The following SLC38A11 variants were observed in gnomAD, a reference collection of about 807,000 sequenced individuals.
SLC38A11 encodes the protein putative sodium-coupled neutral amino acid transporter 11.
SLC38A11 carries 51 observed loss-of-function variants against 49.4 expected under a neutral mutation model. The observed-to-expected ratio is 1.03, with a 90% confidence interval of 0.83 to 1.30. The LOEUF (loss-of-function observed/expected upper bound fraction) is 1.30. SLC38A11 is among the 50% of genes most tolerant of loss of function. SLC38A11 has a pLI of 0.00. For synonymous variants in SLC38A11, 203 were observed against 192.9 expected, an observed-to-expected ratio of 1.05 and a Z score of -0.43; for missense variants, 574 against 556.2, an observed-to-expected ratio of 1.03 and a Z score of -0.32.
chr2:164,955,253 A>G lies in SLC38A11; in HGVS notation c.-6T>C. ...TCCTGCCTCTGGTAGCCCATGGCTG[A>G]GCGGTGGTCCTCAGCAGGTGGAAGA... On this transcript the variant is annotated 5_prime_UTR_variant, in exon 1 of 12. Transcript: ENST00000685975. 6.4e-7 allele frequency: 1 copy of G among 1,550,428 alleles called. No individual in the cohort carries two copies. Among genetic ancestry groups the G allele is most frequent in the Admixed American group, 2.0e-5 (1 of 50,994 alleles).
chr2:164,954,818 G>A, intron 1 of SLC38A11, 73 bp from the exon 2 acceptor site: 1 of 663,636 alleles, frequency 1.5e-6, no homozygotes, highest in East Asian at 2.9e-5. Context: ...ATGTAATGCA[G>A]GATACTAACA....
chr2:164,911,591 C>CA (rs1483459662), intron 10 of SLC38A11, 45 bp downstream of exon 10: 1 of 922,666 alleles, frequency 1.1e-6, no homozygotes, highest in South Asian at 2.0e-5. Flanking sequence ...TTAAATGTGG[C>CA]AGAGAGATCA....
intron 5 of SLC38A11, among the ~76,000 whole-genome samples, chr2:164,940,951 C>A (rs1199392343): frequency 6.6e-6 from 1 of 151,800 alleles, no homozygotes; most frequent in Non-Finnish European, 1.5e-5. Context: ...ATAATTTGAA[C>A]CAAATTATTT....
At chr2:164,931,587 G>A (rs2105487475) in intron 7 of SLC38A11, among the ~76,000 whole-genome samples, 1 of 152,136 alleles carries the variant, frequency 6.6e-6, no homozygotes, top group African/African-American at 2.4e-5. Context: ...ATAGATCAAT[G>A]GAACAGAATA....
intron 3 of SLC38A11, 43 bp downstream of exon 3, chr2:164,952,664 C>T: frequency 8.0e-7 from 1 of 1,248,360 alleles, no homozygotes; most frequent in Non-Finnish European, 1.2e-6. Context: ...GTAGTTATTG[C>T]ACAGTTGAAG....
intron 11 of SLC38A11, among the ~76,000 whole-genome samples, chr2:164,905,828 G>T (rs961199166): frequency 6.6e-6 from 1 of 152,040 alleles, no homozygotes; most frequent in Non-Finnish European, 1.5e-5. Flanking sequence ...TTTAAAAATA[G>T]TCCTCCAGGG....
chr2:164,900,861 C>CAA (rs34276432), intron 11 of SLC38A11, among the ~76,000 whole-genome samples: 7 of 151,610 alleles, frequency 4.6e-5, no homozygotes, highest in Non-Finnish European at 1.0e-4. Flanking sequence ...GTGTGATATT[C>CAA]AAAAAAATCA....
intron 7 of SLC38A11, among the ~76,000 whole-genome samples, chr2:164,920,440 A>G (rs1339304272): frequency 6.6e-6 from 1 of 151,494 alleles, no homozygotes; most frequent in Non-Finnish European, 1.5e-5. Context: ...GATGGGCCAC[A>G]TAAGTTTATC....
At chr2:164,945,754 C>G in intron 3 of SLC38A11, 27 bp from the exon 4 acceptor site, 1 of 1,592,464 alleles carries the variant, frequency 6.3e-7, no homozygotes, top group Non-Finnish European at 8.5e-7. Flanking sequence ...AATTAAATGT[C>G]AGATTACATG....
intron 3 of SLC38A11, among the ~76,000 whole-genome samples, chr2:164,950,743 T>C (rs10165325): frequency 0.54 from 81,917 of 151,960 alleles, 22,402 homozygotes; most frequent in South Asian, 0.77. Flanking sequence ...CAACATTTCA[T>C]AACATGAAAA....
intron 10 of SLC38A11, among the ~76,000 whole-genome samples, chr2:164,909,578 A>G (rs1685255831): frequency 6.6e-6 from 1 of 151,496 alleles, no homozygotes; most frequent in Non-Finnish European, 1.5e-5. Context: ...CATCCCTGAA[A>G]TATGCTTGAC....
At chr2:164,931,234 T>TCC (rs771329539) in intron 7 of SLC38A11, among the ~76,000 whole-genome samples, 1,277 of 42,944 alleles carry the variant, frequency 0.03, 31 homozygotes, top group African/African-American at 0.11. Context: ...AAAATACTGA[T>TCC]CCCCCACAAA....
intron 1 of SLC38A11, among the ~76,000 whole-genome samples, 200 bp downstream of exon 1, chr2:164,955,009 G>C (rs1213097448): frequency 1.3e-5 from 2 of 150,496 alleles, no homozygotes; most frequent in South Asian, 4.2e-4. Flanking sequence ...TAGGAATTCA[G>C]TGATGTGATT....
At position 164,949,041 on chromosome 2, in the gene SLC38A11, T is replaced by G. The variant is rs554575763; in HGVS notation, c.230-3314A>C. Among the ~76,000 whole-genome samples, 4 of 151,850 alleles carry G rather than the reference T, an allele frequency of 2.6e-5. No individual in the cohort carries two copies. The South Asian group carries it at 6.2e-4, about 24-fold the overall frequency. ...TTTATAAAGTGGTATAATTATTTTT[T>G]TTTTCTGCTTGACACACTATATTGT... On this transcript the variant is annotated intron_variant, in intron 3 of 11. Coordinates refer to ENST00000685975, the MANE Select transcript of SLC38A11 (RefSeq NM_001351537.2).
intron 5 of SLC38A11, 72 bp downstream of exon 5, chr2:164,944,497 G>T: frequency 3.3e-6 from 2 of 611,132 alleles, no homozygotes; most frequent in South Asian, 7.9e-5. Flanking sequence ...TTATAATTAT[G>T]AACCATGTTA....
In SLC38A11 at chr2:164,899,507, A is replaced by G. The variant is rs577679569; in HGVS notation, c.1096-777T>C. On this transcript the variant is annotated intron_variant, in intron 11 of 11. Transcript: ENST00000685975. ...TTCCCCTTGAATAGGACTAATTCGC[A>G]ATAGAAACTTAGCAAATAATATAAA... 3.9e-5 allele frequency among the ~76,000 whole-genome samples: 6 copies of G among 152,258 alleles called. No individual in the cohort carries two copies. In the South Asian group the frequency reaches 1.0e-3, roughly 26 times the overall value.
Position 164,898,494 on chromosome 2 carries a change from C to T in SLC38A11, c.1332G>A (p.Glu444=), listed in dbSNP as rs1268476586. The change falls in exon 12 of 12, where the codon GAG becomes GAA. Residue 444 remains glutamate (E), a synonymous_variant. Transcript: ENST00000685975. ...PDNFSLTNTS[E]SHVQQTTQLS... ...GTTGTGTTGTCTGCTGAACATGAGA[C>T]TCTGAGGTATTTGTGAGAGAGAAAT... The T allele has an allele frequency of 6.2e-7, 1 of 1,613,308 alleles. No individual in the cohort carries two copies. Among genetic ancestry groups the T allele is most frequent in the Non-Finnish European group, 8.5e-7 (1 of 1,179,624 alleles).
chr2:164,952,630 G>A (rs112020618), intron 3 of SLC38A11, 77 bp downstream of exon 3: 2 of 185,274 alleles, frequency 1.1e-5, no homozygotes, highest in Non-Finnish European at 1.9e-5. Context: ...GTTGCAGCAT[G>A]TGTGTGTGTG....
intron 2 of SLC38A11, among the ~76,000 whole-genome samples, chr2:164,953,925 C>T (rs1419072852): frequency 3.3e-5 from 5 of 152,020 alleles, no homozygotes; most frequent in Admixed American, 6.5e-5. Flanking sequence ...GCTTTTATTA[C>T]TATAATGCAA....
Sources: allele counts gnomAD v4.1 joint callset (sites outside exome capture counted in the v4.1 genomes callset), GRCh38; gene constraint gnomAD v4.1.1; transcripts MANE v1.5; gene names NCBI Gene and HGNC (gene_info 2026-07-23, HGNC 2026-07-21).